GRIN2B: variants seen among roughly 807,000 people sequenced by gnomAD.
GRIN2B encodes glutamate ionotropic receptor NMDA type subunit 2B.
GRIN2B carries 5 observed loss-of-function variants against 114.5 expected under a neutral mutation model. That is an observed-to-expected ratio of 0.04 (90% CI 0.02 to 0.09). GRIN2B has a LOEUF of 0.09. GRIN2B is among the 10% of genes least tolerant of loss of function. The pLI is 1.00. For missense variants in GRIN2B, 1,108 were observed against 1,943.5 expected (o/e 0.57, Z 8.08); for synonymous variants, 787 against 745.1 (o/e 1.06, Z -0.92).
intron 5 of GRIN2B, among the ~76,000 whole-genome samples, chr12:13,652,104 C>T (rs936725104): frequency 1.8e-4 from 27 of 151,904 alleles, no homozygotes; most frequent in Non-Finnish European, 2.9e-5. Flanking sequence ...CCCTTTTCAC[C>T]TCCTTGCACT....
chr12:13,555,462 T>C lies in GRIN2B; in HGVS notation c.*7321A>G, dbSNP rs1948468113. 1 of 152,052 alleles carries C rather than the reference T, an allele frequency of 6.6e-6. No individual in the cohort carries two copies. Among genetic ancestry groups the C allele is most frequent in the African/African-American group, 2.4e-5 (1 of 41,390 alleles). 9.4% of individuals were successfully genotyped at this position (152,052 alleles called of 1,614,324 possible). Reference sequence around the variant, plus strand: ...ACAGAAATTCAAGAGTCAAATTGGATTGAGAGATTTGTCTTTAGAGATAGT... The same window carrying C: ...ACAGAAATTCAAGAGTCAAATTGGACTGAGAGATTTGTCTTTAGAGATAGT... On this transcript the variant is annotated 3_prime_UTR_variant, in exon 14 of 14. Coordinates refer to ENST00000609686, the MANE Select transcript of GRIN2B (RefSeq NM_000834.5).
chr12:13,679,209 G>C (rs1591672280), intron 4 of GRIN2B, among the ~76,000 whole-genome samples: 3 of 152,098 alleles, frequency 2.0e-5, no homozygotes, highest in African/African-American at 7.2e-5. Context: ...ATATTTAAAG[G>C]AAAGTATCTA....
At chr12:13,648,522 G>A (rs80180980) in intron 5 of GRIN2B, among the ~76,000 whole-genome samples, 4,613 of 152,058 alleles carry the variant, frequency 0.03, 248 homozygotes, top group African/African-American at 0.11. Flanking sequence ...GGGGCAAGGT[G>A]TCACTTGCTA....
At position 13,776,753 on chromosome 12, in the gene GRIN2B, T is replaced by C. The variant is rs538290026; in HGVS notation, c.412-22838A>G. Among the ~76,000 whole-genome samples, 6 of 152,016 alleles carry C rather than the reference T, an allele frequency of 3.9e-5. No homozygotes were observed. In the South Asian group the frequency reaches 1.0e-3, roughly 26 times the overall value. On this transcript the variant is annotated intron_variant, in intron 3 of 13. Coordinates refer to ENST00000609686, the MANE Select transcript of GRIN2B (RefSeq NM_000834.5). ...AACCTTTCAGATAAAAAGATGAATA[T>C]AGGTAACAAAACAAAGAAAAAAGGA...
chr12:13,870,149 A>C (rs1324196005), intron 2 of GRIN2B, among the ~76,000 whole-genome samples: 1 of 152,174 alleles, frequency 6.6e-6, no homozygotes, highest in Non-Finnish European at 1.5e-5. Context: ...TCCCTGAGCG[A>C]TATAACTCCC....
At chr12:13,634,148 A>G (rs1489820058) in intron 5 of GRIN2B, 3 of 152,188 alleles carry the variant, frequency 2.0e-5, no homozygotes, top group Non-Finnish European at 4.4e-5. Flanking sequence ...CTCTCTGACC[A>G]ACGTATTTAC....
At position 13,834,182 on chromosome 12, in the gene GRIN2B, C is replaced by T. The variant is rs555775040; in HGVS notation, c.411+31616G>A. Among the ~76,000 whole-genome samples, 224 of 145,314 alleles carry T rather than the reference C, an allele frequency of 1.5e-3. 1 individual carries two copies. The highest frequency in any genetic ancestry group is 5.9e-3 in the African/African-American group (220 of 37,320). ...AGTAGCTGGGACTACAGGTGCCCAC[C>T]ACCACGCCTGGCTAATTTTTTTTTT... On this transcript the variant is annotated intron_variant, in intron 3 of 13. Transcript: ENST00000609686.
At chr12:13,774,641 G>T (rs1863969508) in intron 3 of GRIN2B, among the ~76,000 whole-genome samples, 1 of 152,138 alleles carries the variant, frequency 6.6e-6, no homozygotes, top group African/African-American at 2.4e-5. Context: ...CAGTGCCTTT[G>T]GTAAAGACAT....
intron 4 of GRIN2B, among the ~76,000 whole-genome samples, chr12:13,700,406 C>A (rs2136567924): frequency 6.6e-6 from 1 of 152,244 alleles, no homozygotes; most frequent in South Asian, 2.1e-4. Flanking sequence ...AAAATGACTG[C>A]AATTTCTCTA....
In GRIN2B at chr12:13,563,730, C is replaced by T; in HGVS notation, c.3508G>A (p.Gly1170Arg). ...DDFKRDSVSG[G>R]GPCTNRSHIK... ...TGAGACCTGTTGGTACAGGGCCCTCCTCCGCTGACGGAGTCGCGCTTAAAG... is the reference window on the plus strand; with the variant it reads ...TGAGACCTGTTGGTACAGGGCCCTCTTCCGCTGACGGAGTCGCGCTTAAAG... Residue 1170 changes from glycine (G) to arginine (R), a missense_variant, in exon 14 of 14, where the codon GGA becomes AGA. Coordinates refer to ENST00000609686, the MANE Select transcript of GRIN2B (RefSeq NM_000834.5). 6.2e-7 allele frequency: 1 copy of T among 1,613,828 alleles called. No individual in the cohort carries two copies. Among genetic ancestry groups the T allele is most frequent in the East Asian group, 2.2e-5 (1 of 44,868 alleles).
At chr12:13,838,080 T>C (rs912034564) in intron 3 of GRIN2B, among the ~76,000 whole-genome samples, 8 of 152,146 alleles carry the variant, frequency 5.3e-5, no homozygotes, top group Non-Finnish European at 1.0e-4. Flanking sequence ...CAAGAGGAAA[T>C]GTAAAACCAT....
intron 4 of GRIN2B, among the ~76,000 whole-genome samples, chr12:13,747,154 T>C (rs962730316): frequency 6.6e-6 from 1 of 152,132 alleles, no homozygotes; most frequent in African/African-American, 2.4e-5. Context: ...ACACCACCTA[T>C]ATTATGGGTG....
intron 3 of GRIN2B, among the ~76,000 whole-genome samples, chr12:13,768,228 A>G (rs1172800560): frequency 6.6e-6 from 1 of 152,170 alleles, no homozygotes; most frequent in African/African-American, 2.4e-5. Flanking sequence ...TTGCACATTA[A>G]GTATTGTTAA....
chr12:13,595,210 T>A (rs1949056972), intron 10 of GRIN2B, among the ~76,000 whole-genome samples: 1 of 152,188 alleles, frequency 6.6e-6, no homozygotes, highest in Admixed American at 6.5e-5. Flanking sequence ...AATGGCTGAA[T>A]GGTACAGGTC....
intron 5 of GRIN2B, among the ~76,000 whole-genome samples, chr12:13,658,147 CG>C (rs1316442668): frequency 1.3e-5 from 2 of 151,230 alleles, no homozygotes; most frequent in Non-Finnish European, 2.9e-5. Context: ...GCTGAGGTTG[CG>C]GTGAGCCGAG....
intron 10 of GRIN2B, among the ~76,000 whole-genome samples, chr12:13,573,108 A>G (rs924437037): frequency 6.7e-6 from 1 of 149,306 alleles, no homozygotes; most frequent in Admixed American, 6.6e-5. Flanking sequence ...AGGAGATGAT[A>G]ATGCCTAATT....
chr12:13,793,684 A>G (rs1227225702), intron 3 of GRIN2B, among the ~76,000 whole-genome samples: 1 of 152,172 alleles, frequency 6.6e-6, no homozygotes, highest in East Asian at 1.9e-4. Flanking sequence ...CACTGGTTAC[A>G]GTTTAGAAAG....
chr12:13,569,475 T>C (rs1948680147), intron 12 of GRIN2B, among the ~76,000 whole-genome samples: 1 of 152,170 alleles, frequency 6.6e-6, no homozygotes, highest in Admixed American at 6.5e-5. Context: ...GGTATGCTTC[T>C]ACAAGATAAG....
At chr12:13,902,209 T>G (rs1215996578) in intron 2 of GRIN2B, among the ~76,000 whole-genome samples, 3 of 152,182 alleles carry the variant, frequency 2.0e-5, no homozygotes, top group Admixed American at 6.5e-5. Context: ...TTCTTTCTCT[T>G]TAAGTGTCTT....
Sources: allele counts gnomAD v4.1 joint callset (sites outside exome capture counted in the v4.1 genomes callset), GRCh38; gene constraint gnomAD v4.1.1; transcripts MANE v1.5; gene names NCBI Gene and HGNC (gene_info 2026-07-23, HGNC 2026-07-21).